The following ST6GAL2 variants were observed in gnomAD, a reference collection of about 807,000 sequenced individuals.
ST6GAL2 encodes the protein ST6 beta-galactoside alpha-2,6-sialyltransferase 2, also known as beta-galactoside alpha-2,6-sialyltransferase 2.
ST6GAL2 carries 24 observed loss-of-function variants against 37.5 expected under a neutral mutation model. The observed-to-expected ratio is 0.64, with a 90% CI of 0.46 to 0.90. ST6GAL2 has a LOEUF of 0.90. Among genes scored for constraint, ST6GAL2 ranks in the 40% least tolerant of loss-of-function variants. The probability of loss-of-function intolerance (pLI) is 0.00; values close to 1 mark genes in which losing one functional copy is unlikely to be tolerated. For synonymous variants in ST6GAL2, 306 were observed against 295.1 expected (o/e 1.04, Z -0.38); for missense variants, 715 against 712.7 (o/e 1.00, Z -0.04).
chr2:106,838,359 A>G (rs1258043889), intron 2 of ST6GAL2, among the ~76,000 whole-genome samples: 1 of 152,052 alleles, frequency 6.6e-6, no homozygotes, highest in African/African-American at 2.4e-5. Flanking sequence ...CCTCTCCTAC[A>G]CTGATGAGAA....
chr2:106,865,209 T>C (rs1009272968), intron 1 of ST6GAL2, among the ~76,000 whole-genome samples: 4 of 152,220 alleles, frequency 2.6e-5, no homozygotes, highest in African/African-American at 9.6e-5. Context: ...GCTTTTAAAC[T>C]GGCTCATAAA....
intron 1 of ST6GAL2, among the ~76,000 whole-genome samples, chr2:106,856,695 G>C (rs1223215289): frequency 6.6e-6 from 1 of 152,178 alleles, no homozygotes; most frequent in East Asian, 1.9e-4. Flanking sequence ...TAAAAGCACT[G>C]CTTGTTACTG....
chr2:106,848,886 G>C (rs1677247992), intron 1 of ST6GAL2, among the ~76,000 whole-genome samples: 1 of 152,144 alleles, frequency 6.6e-6, no homozygotes, highest in Non-Finnish European at 1.5e-5. Context: ...AGCAGCGCCA[G>C]AGATAAGACC....
chr2:106,877,094 T>G (rs1678536634), intron 1 of ST6GAL2, among the ~76,000 whole-genome samples: 1 of 152,220 alleles, frequency 6.6e-6, no homozygotes, highest in Non-Finnish European at 1.5e-5. Context: ...ATTTGACATT[T>G]CTGGGTTGAA....
intron 2 of ST6GAL2, chr2:106,841,065 T>C (rs893668549): frequency 6.6e-6 from 1 of 152,218 alleles, no homozygotes; most frequent in African/African-American, 2.4e-5. Context: ...TGGACTGTGT[T>C]ATTATGAGCC....
chr2:106,816,845 C>T (rs754662731), intron 5 of ST6GAL2, among the ~76,000 whole-genome samples: 195 of 152,318 alleles, frequency 1.3e-3, no homozygotes, highest in Non-Finnish European at 2.3e-3. Context: ...GAAACTCAGT[C>T]TTACCTTGCC....
rs1200149750 is a variant in ST6GAL2 at position 106,805,811 on chromosome 2, A to G, written c.*867T>C. On this transcript the variant is annotated 3_prime_UTR_variant, in exon 6 of 6. Transcript: ENST00000409382. ...CCAATTGTCAAGTGTGTCACTGACT[A>G]TGCAAAAGCTGCAGGGTAGATCTGC... 6.6e-6 allele frequency: 1 copy of G among 152,252 alleles called. No homozygotes were observed. The highest frequency in any genetic ancestry group is 2.4e-5 in the African/African-American group (1 of 41,458). The allele number at this position is 152,252 out of a possible 1,614,324, so 9.4% of individuals were successfully genotyped here.
At chr2:106,814,237 A>G (rs1675715293) in intron 5 of ST6GAL2, among the ~76,000 whole-genome samples, 1 of 152,228 alleles carries the variant, frequency 6.6e-6, no homozygotes, top group Non-Finnish European at 1.5e-5. Flanking sequence ...CTAACCAACA[A>G]AACTGTGACA....
Position 106,877,412 on chromosome 2 carries a change from C to T in ST6GAL2, c.-58+8681G>A, listed in dbSNP as rs146419272. On this transcript the variant is annotated intron_variant, in intron 1 of 5. Transcript: ENST00000409382. ...ACACACGATAGAAGGCCTGCGAGCT[C>T]CACACCTTCGTTGTGTGCAATGATG... 1.3e-4 allele frequency among the ~76,000 whole-genome samples: 20 copies of T among 152,334 alleles called. No homozygotes were observed. In the East Asian group the frequency reaches 3.9e-3, roughly 29 times the overall value.
intron 1 of ST6GAL2, among the ~76,000 whole-genome samples, chr2:106,846,461 A>G (rs774149488): frequency 3.3e-5 from 5 of 152,198 alleles, no homozygotes; most frequent in East Asian, 1.9e-4. Flanking sequence ...GAAATGTTAA[A>G]TAAGTTCCAG....
rs1235340802 is a variant in ST6GAL2, at chr2:106,806,931, G to A, written c.1337C>T (p.Ser446Phe). The A allele has an allele frequency of 1.2e-6, 2 of 1,611,976 alleles. No individual in the cohort carries two copies. The highest frequency in any genetic ancestry group is 1.7e-5 in the Admixed American group (1 of 59,914). The change falls in exon 6 of 6, where the codon TCC becomes TTC. Residue 446 changes from serine (S) to phenylalanine (F), a missense_variant. By Grantham distance (155) the Ser-to-Phe change is radical. Coordinates refer to ENST00000409382, the MANE Select transcript of ST6GAL2 (RefSeq NM_001142351.2). ...SGFIGILIMM[S>F]MCREVHVYEY... ...ATACACGTGCACCTCTCTGCACATG[G>A]ACATCATTATGAGGATTCCTGACAT...
chr2:106,823,113 T>C (rs1052710385), intron 5 of ST6GAL2: 3 of 152,160 alleles, frequency 2.0e-5, no homozygotes, highest in African/African-American at 2.4e-5. Context: ...TTGAAACTTA[T>C]TGTTCTTTCT....
chr2:106,849,052 C>T (rs772120410), intron 1 of ST6GAL2, among the ~76,000 whole-genome samples: 18 of 152,134 alleles, frequency 1.2e-4, no homozygotes, highest in Non-Finnish European at 2.5e-4. Context: ...CCTATATAAT[C>T]GAAACTTTAA....
upstream of ST6GAL2, chr2:106,886,896 C>G (rs554152448): frequency 1.3e-5 from 2 of 152,262 alleles, no homozygotes; most frequent in South Asian, 4.1e-4. Flanking sequence ...TGGGGCGGTG[C>G]GGGGCAGCAC....
upstream of ST6GAL2, chr2:106,886,687 C>T (rs945083522): frequency 1.3e-5 from 2 of 151,916 alleles, no homozygotes; most frequent in South Asian, 2.1e-4. Context: ...CCAGAGCCCC[C>T]TCCCTCTCCG....
intron 5 of ST6GAL2, among the ~76,000 whole-genome samples, chr2:106,807,262 A>G (rs770790146): frequency 2.6e-5 from 4 of 152,210 alleles, no homozygotes; most frequent in Non-Finnish European, 4.4e-5. Flanking sequence ...AGTGAAGGAC[A>G]GATTTGCAAC....
At chr2:106,844,156 A>C in intron 1 of ST6GAL2, 122 bp from the exon 2 acceptor site, 1 of 520,788 alleles carries the variant, frequency 1.9e-6, no homozygotes, top group Non-Finnish European at 3.4e-6. Flanking sequence ...GGGGCACTAG[A>C]AACCAGAATC....
At chr2:106,871,999 CT>C (rs1233186931) in intron 1 of ST6GAL2, among the ~76,000 whole-genome samples, 1 of 152,210 alleles carries the variant, frequency 6.6e-6, no homozygotes, top group Non-Finnish European at 1.5e-5. Flanking sequence ...ATGTGATAGA[CT>C]TTTCTATGAC....
At chr2:106,808,067 C>T (rs1411053458) in intron 5 of ST6GAL2, among the ~76,000 whole-genome samples, 3 of 152,170 alleles carry the variant, frequency 2.0e-5, no homozygotes, top group Admixed American at 2.0e-4. Flanking sequence ...TAAAGCAGCA[C>T]AGTTATTCTT....
Sources: gnomAD v4.1 joint callset for allele counts (sites outside exome capture counted in the v4.1 genomes callset) on GRCh38, gnomAD v4.1.1 for gene constraint, MANE v1.5 for transcripts, NCBI Gene and HGNC (gene_info 2026-07-23, HGNC 2026-07-21) for gene names.